Variants in CEMIP observed in about 807,000 individuals in gnomAD.
CEMIP encodes cell migration-inducing and hyaluronan-binding protein.
In CEMIP, 105 loss-of-function variants were observed where a neutral mutation model predicts 156.9. The observed-to-expected ratio is 0.67, with a 90% CI of 0.57 to 0.79. The LOEUF is 0.79. CEMIP is among the 30% of genes least tolerant of loss of function. The pLI is 0.00. For missense variants in CEMIP, 1,457 were observed against 1,769.4 expected, an observed-to-expected ratio of 0.82 and a Z score of 3.17; for synonymous variants, 676 against 668.4, an observed-to-expected ratio of 1.01 and a Z score of -0.17.
chr15:80,844,995 G>A lies in CEMIP; in HGVS notation c.-175-28543G>A, dbSNP rs546285006. Among the ~76,000 whole-genome samples, 3 of 152,236 alleles carry A rather than the reference G, an allele frequency of 2.0e-5. No individual in the cohort carries two copies. In the East Asian group the frequency reaches 5.8e-4, roughly 29 times the overall value. On this transcript the variant is annotated intron_variant, in intron 1 of 29. Coordinates refer to ENST00000394685, the MANE Select transcript of CEMIP (RefSeq NM_001293298.2). ...AGCTCATCCAGATGTTCCTAAGTAT[G>A]AATGATTTGTAAAACGATTTTATGG... is the stretch of plus-strand genomic sequence containing the variant.
At chr15:80,845,610 CCTT>C (rs1320303546) in intron 1 of CEMIP, among the ~76,000 whole-genome samples, 4 of 152,186 alleles carry the variant, frequency 2.6e-5, no homozygotes, top group African/African-American at 9.7e-5. Context: ...TCTCTGGTCT[CCTT>C]CTCCTTGGTC....
At position 80,828,199 on chromosome 15, in the gene CEMIP, T is replaced by C. The variant is rs185495988; in HGVS notation, c.-175-45339T>C. ...TTCGAGACCAGCCTAGCTAACATGG[T>C]GAAACCTCGTCTCTACTAAAAATAC... is the stretch of plus-strand genomic sequence containing the variant. On this transcript the variant is annotated intron_variant, in intron 1 of 29. Coordinates refer to ENST00000394685, the MANE Select transcript of CEMIP (RefSeq NM_001293298.2). Among the ~76,000 whole-genome samples, 39 of 152,184 alleles carry C rather than the reference T, an allele frequency of 2.6e-4. No homozygotes were observed. In the East Asian group the frequency reaches 7.3e-3, roughly 29 times the overall value.
chr15:80,840,099 G>A (rs1567065024), intron 1 of CEMIP, among the ~76,000 whole-genome samples: 1 of 152,212 alleles, frequency 6.6e-6, no homozygotes, highest in Non-Finnish European at 1.5e-5. Context: ...CTGGTAGAAG[G>A]CAGAAAGTGG....
chr15:80,908,363 T>C (rs1899894310), intron 13 of CEMIP, among the ~76,000 whole-genome samples: 1 of 152,200 alleles, frequency 6.6e-6, no homozygotes, highest in African/African-American at 2.4e-5. Context: ...AGTTGACACC[T>C]ATTTTTGGAA....
intron 1 of CEMIP, among the ~76,000 whole-genome samples, chr15:80,860,235 A>G (rs1897952626): frequency 1.3e-5 from 2 of 152,238 alleles, no homozygotes; most frequent in Non-Finnish European, 2.9e-5. Context: ...AGAGCCACAC[A>G]TAGAACCACT....
At chr15:80,864,059 G>C (rs540189504) in intron 1 of CEMIP, among the ~76,000 whole-genome samples, 1 of 152,066 alleles carries the variant, frequency 6.6e-6, no homozygotes, top group Non-Finnish European at 1.5e-5. Flanking sequence ...CCAGGCTGCC[G>C]CGCAGAAATG....
At chr15:80,801,125 T>C (rs1896365247) in intron 1 of CEMIP, among the ~76,000 whole-genome samples, 1 of 152,228 alleles carries the variant, frequency 6.6e-6, no homozygotes, top group Admixed American at 6.5e-5. Context: ...AGGCATCCCC[T>C]TCTCTGTGAA....
At chr15:80,920,450 C>A in intron 15 of CEMIP, 151 bp downstream of exon 15, 1 of 679,710 alleles carries the variant, frequency 1.5e-6, no homozygotes, top group Non-Finnish European at 2.5e-6. Flanking sequence ...ACGGCTCCAG[C>A]TTCCTGCAAA....
chr15:80,796,259 C>G (rs894106573), intron 1 of CEMIP, among the ~76,000 whole-genome samples: 1 of 152,182 alleles, frequency 6.6e-6, no homozygotes, highest in Non-Finnish European at 1.5e-5. Context: ...CATGTACATG[C>G]CACCGTGCCC....
intron 12 of CEMIP, chr15:80,900,745 C>T (rs1480525675): frequency 2.9e-6 from 1 of 340,958 alleles, no homozygotes; most frequent in Non-Finnish European, 5.8e-6. Context: ...CATCCCCAAG[C>T]CCATTCTCTG....
chr15:80,887,354 C>T (rs2084305397), intron 7 of CEMIP, among the ~76,000 whole-genome samples: 1 of 152,146 alleles, frequency 6.6e-6, no homozygotes, highest in Non-Finnish European at 1.5e-5. Context: ...GCATTTGCTT[C>T]AGGACATAAT....
At chr15:80,856,893 C>G (rs931235134) in intron 1 of CEMIP, among the ~76,000 whole-genome samples, 1 of 152,152 alleles carries the variant, frequency 6.6e-6, no homozygotes, top group Non-Finnish European at 1.5e-5. Context: ...GTGCAGGGAT[C>G]CAGGTAACTG....
chr15:80,780,474 T>TCAGCCGCAGACACTCTCTGCGA, intron 1 of CEMIP, among the ~76,000 whole-genome samples: 1 of 152,102 alleles, frequency 6.6e-6, no homozygotes, highest in African/African-American at 2.4e-5. Flanking sequence ...CCCTGGGTCC[T>TCAGCCGCAGACACTCTCTGCGA]CAGCCGCAGA....
chr15:80,898,021 A>G lies in CEMIP; in HGVS notation c.1411+1961A>G, dbSNP rs372539412. Among the ~76,000 whole-genome samples the G allele has an allele frequency of 6.6e-5, 10 of 152,364 alleles. No homozygotes were observed. In the East Asian group the frequency reaches 1.7e-3, roughly 26 times the overall value. On this transcript the variant is annotated intron_variant, in intron 12 of 29. Coordinates refer to ENST00000394685, the MANE Select transcript of CEMIP (RefSeq NM_001293298.2). ...GATATTCACAACAATGTGAGCAGCA[A>G]TGCTGGGAGCAGTTTTATGCAAAGA...
chr15:80,780,934 A>C (rs1895776082), intron 1 of CEMIP, among the ~76,000 whole-genome samples: 1 of 152,192 alleles, frequency 6.6e-6, no homozygotes, highest in Non-Finnish European at 1.5e-5. Context: ...ATTACCACTC[A>C]GGAGGCAGCC....
At chr15:80,801,597 C>A (rs1417080074) in intron 1 of CEMIP, among the ~76,000 whole-genome samples, 1 of 152,164 alleles carries the variant, frequency 6.6e-6, no homozygotes. Context: ...TAGACTCTAC[C>A]TTTTAATGGG....
chr15:80,883,676 C>G (rs1489694577), intron 6 of CEMIP, among the ~76,000 whole-genome samples: 1 of 152,126 alleles, frequency 6.6e-6, no homozygotes, highest in Non-Finnish European at 1.5e-5. Context: ...GCAAGCTGCT[C>G]TAGGGGTGGG....
At chr15:80,853,807 C>A (rs118108937) in intron 1 of CEMIP, among the ~76,000 whole-genome samples, 1 of 152,330 alleles carries the variant, frequency 6.6e-6, no homozygotes, top group East Asian at 1.9e-4. Context: ...ATAGAACAGA[C>A]ACTTTTATAG....
chr15:80,896,147 T>C (rs1361331457), intron 12 of CEMIP, 87 bp downstream of exon 12: 1 of 1,336,680 alleles, frequency 7.5e-7, no homozygotes, highest in Non-Finnish European at 1.1e-6. Flanking sequence ...CAAATCTGTA[T>C]CAGTCAGCTA....
Sources: allele counts gnomAD v4.1 joint callset (sites outside exome capture counted in the v4.1 genomes callset), GRCh38; gene constraint gnomAD v4.1.1; transcripts MANE v1.5; gene names NCBI Gene and HGNC (gene_info 2026-07-23, HGNC 2026-07-21).